Variants in ODAD2 observed in about 807,000 individuals in gnomAD.
The protein encoded by ODAD2 is outer dynein arm-docking complex subunit 2.
A neutral mutation model predicts 106.8 loss-of-function variants in ODAD2; 89 were observed. The ratio of observed to expected loss-of-function variants is 0.83; its 90% confidence interval spans 0.70 to 0.99. The LOEUF is 0.99. Ranked by LOEUF, ODAD2 falls within the 50% of genes least tolerant of loss-of-function variation. The pLI is 0.00. For missense variants in ODAD2, 1,168 were observed against 1,238.5 expected, an observed-to-expected ratio of 0.94 and a Z score of 0.85; for synonymous variants, 404 against 436.2, an observed-to-expected ratio of 0.93 and a Z score of 0.92.
chr10:27,953,465 G>T (rs1450471569), intron 10 of ODAD2, among the ~76,000 whole-genome samples: 9 of 152,112 alleles, frequency 5.9e-5, no homozygotes, highest in Non-Finnish European at 8.8e-5. Context: ...TAGAAATAAT[G>T]TATATATCCA....
chr10:27,850,076 A>C (rs777324730), intron 19 of ODAD2, among the ~76,000 whole-genome samples: 3 of 152,206 alleles, frequency 2.0e-5, no homozygotes, highest in Non-Finnish European at 4.4e-5. Context: ...ATGTCACATC[A>C]TATATTGATG....
At chr10:27,868,520 T>C (rs1195044596) in intron 17 of ODAD2, among the ~76,000 whole-genome samples, 2 of 152,210 alleles carry the variant, frequency 1.3e-5, no homozygotes, top group Non-Finnish European at 2.9e-5. Context: ...AATGAGATCA[T>C]GTTCTTTGCA....
chr10:27,982,979 G>C (rs1443059230), intron 6 of ODAD2, among the ~76,000 whole-genome samples: 3 of 152,166 alleles, frequency 2.0e-5, no homozygotes, highest in Admixed American at 1.3e-4. Flanking sequence ...AGGTTATTAG[G>C]CTCCGTCATT....
At chr10:27,872,151 T>C (rs1348154418) in intron 17 of ODAD2, among the ~76,000 whole-genome samples, 4 of 152,094 alleles carry the variant, frequency 2.6e-5, no homozygotes, top group African/African-American at 4.8e-5. Flanking sequence ...GATTTGGCTC[T>C]CTGTTTGTCT....
chr10:27,883,860 T>C (rs1841902788), intron 17 of ODAD2, among the ~76,000 whole-genome samples: 1 of 151,734 alleles, frequency 6.6e-6, no homozygotes, highest in Non-Finnish European at 1.5e-5. Flanking sequence ...GATGGGTCAA[T>C]TCAGATTATC....
chr10:27,963,964 G>A lies in ODAD2; in HGVS notation c.1239-2249C>T, dbSNP rs533973352. Among the ~76,000 whole-genome samples the A allele has an allele frequency of 1.4e-4, 22 of 152,290 alleles. No homozygotes were observed. In the South Asian group the frequency reaches 4.6e-3, roughly 32 times the overall value. ...GGGCCGGGCATGGTGGCTCACGCCT[G>A]TAATCCCAGCACTTTGGGAAGCCGA... On this transcript the variant is annotated intron_variant, in intron 9 of 19. Transcript: ENST00000305242.
At chr10:27,995,285 T>C in intron 1 of ODAD2, 105 bp from the exon 2 acceptor site, 1 of 1,227,616 alleles carries the variant, frequency 8.1e-7, no homozygotes, top group Non-Finnish European at 1.1e-6. Context: ...CACATTCTGC[T>C]TATTAATCTT....
chr10:27,858,792 C>A (rs1839836277), intron 19 of ODAD2, among the ~76,000 whole-genome samples: 1 of 143,944 alleles, frequency 6.9e-6, no homozygotes, highest in Non-Finnish European at 1.5e-5. Context: ...ATTACATGTA[C>A]ACCTTAGTAC....
chr10:27,860,794 A>G lies in ODAD2; in HGVS notation c.2852T>C (p.Met951Thr). 6.2e-7 allele frequency: 1 copy of G among 1,614,188 alleles called. No homozygotes were observed. Among genetic ancestry groups the G allele is most frequent in the Non-Finnish European group, 8.5e-7 (1 of 1,180,024 alleles). The change falls in exon 19 of 20, where the codon ATG (methionine) becomes ACG (threonine). Residue 951 changes from methionine to threonine, a missense_variant. Met to Thr is a moderately conservative substitution (Grantham distance 81). Transcript: ENST00000305242. ...GAAGGCCACTCTATTCCTGCCCCACATACAGCAACGTGAAATAGCTTCTGC... is the reference window on the plus strand; with the variant it reads ...GAAGGCCACTCTATTCCTGCCCCACGTACAGCAACGTGAAATAGCTTCTGC... ...HLAEAISRCCMWGRNRVAFGE... is the reference protein window; with the variant it reads ...HLAEAISRCCTWGRNRVAFGE...
chr10:27,976,601 C>T (rs1000317859), intron 7 of ODAD2, among the ~76,000 whole-genome samples: 4 of 152,002 alleles, frequency 2.6e-5, no homozygotes, highest in Non-Finnish European at 5.9e-5. Flanking sequence ...TAACTAAGAC[C>T]TAAATAAATG....
Position 27,981,459 on chromosome 10 carries a change from A to T in ODAD2, c.936+7T>A. ...TATGAAAGCTCAAAAGAAACCATAA[A>T]ACTTACCAATTTAGACATATTTTCT... On this transcript the variant is annotated splice_region_variant and intron_variant, in intron 7 of 19. Transcript: ENST00000305242. 2 of 1,496,902 alleles carry T rather than the reference A, an allele frequency of 1.3e-6. No homozygotes were observed. Among genetic ancestry groups the T allele is most frequent in the Non-Finnish European group, 1.8e-6 (2 of 1,132,202 alleles). The allele number at this position is 1,496,902 out of a possible 1,614,324, so 92.7% of individuals were successfully genotyped here.
intron 16 of ODAD2, among the ~76,000 whole-genome samples, chr10:27,909,379 C>T (rs1441543480): frequency 6.6e-6 from 1 of 152,094 alleles, no homozygotes; most frequent in Non-Finnish European, 1.5e-5. Flanking sequence ...AAGTTATAGA[C>T]AAAATTTCAC....
intron 17 of ODAD2, among the ~76,000 whole-genome samples, chr10:27,864,111 C>T (rs1302192017): frequency 2.0e-5 from 3 of 151,760 alleles, no homozygotes; most frequent in Admixed American, 1.3e-4. Flanking sequence ...GGGGCTATTT[C>T]GCTAGACCAC....
At chr10:27,901,142 G>A (rs1261579841) in intron 17 of ODAD2, among the ~76,000 whole-genome samples, 1 of 152,200 alleles carries the variant, frequency 6.6e-6, no homozygotes, top group African/African-American at 2.4e-5. Flanking sequence ...AGCCAAAAGA[G>A]AGTGGGGGCC....
chr10:27,856,158 T>G (rs954031224), intron 19 of ODAD2, among the ~76,000 whole-genome samples: 1 of 152,226 alleles, frequency 6.6e-6, no homozygotes, highest in Admixed American at 6.5e-5. Flanking sequence ...TGCATCCATA[T>G]TCACAAATTT....
chr10:27,923,161 T>C (rs986334812), intron 16 of ODAD2, among the ~76,000 whole-genome samples: 10 of 152,176 alleles, frequency 6.6e-5, no homozygotes, highest in African/African-American at 2.4e-4. Context: ...TAAACATTAT[T>C]CATATCCATG....
intron 7 of ODAD2, among the ~76,000 whole-genome samples, chr10:27,973,508 G>T (rs1169267055): frequency 6.6e-6 from 1 of 151,968 alleles, no homozygotes; most frequent in Non-Finnish European, 1.5e-5. Context: ...TCTCAAGTAG[G>T]CCCCAGGGTC....
At chr10:27,903,686 A>C (rs1230514662) in intron 17 of ODAD2, among the ~76,000 whole-genome samples, 1 of 152,152 alleles carries the variant, frequency 6.6e-6, no homozygotes, top group Admixed American at 6.5e-5. Context: ...TCATGAGTGA[A>C]CTCTCATTCA....
At chr10:27,902,560 TA>T (rs1843289296) in intron 17 of ODAD2, among the ~76,000 whole-genome samples, 1 of 151,564 alleles carries the variant, frequency 6.6e-6, no homozygotes, top group African/African-American at 2.4e-5. Flanking sequence ...GCAAGACTAA[TA>T]AAAAAGAAAA....
Sources: gnomAD v4.1 joint callset for allele counts (sites outside exome capture counted in the v4.1 genomes callset) on GRCh38, gnomAD v4.1.1 for gene constraint, MANE v1.5 for transcripts, NCBI Gene and HGNC (gene_info 2026-07-23, HGNC 2026-07-21) for gene names.